The following NUP43 variants were observed in gnomAD, a reference collection of about 807,000 sequenced individuals.
NUP43 encodes nucleoporin 43, also known as nucleoporin Nup43.
NUP43 carries 32 observed loss-of-function variants against 47.3 expected under a neutral mutation model. The observed-to-expected ratio is 0.68, with a 90% CI of 0.51 to 0.91. The LOEUF is 0.91. NUP43 is among the 40% of genes least tolerant of loss of function. The probability of loss-of-function intolerance (pLI) is 0.00; values close to 1 mark genes in which losing one functional copy is unlikely to be tolerated. For missense variants in NUP43, 444 were observed against 453.9 expected (o/e 0.98, Z 0.20); for synonymous variants, 147 against 158.4 (o/e 0.93, Z 0.54).
intron 7 of NUP43, chr6:149,727,495 CA>C: frequency 1.0e-6 from 1 of 984,292 alleles, no homozygotes; most frequent in Non-Finnish European, 1.2e-6. Flanking sequence ...AGAAAGGTAG[CA>C]AAACGGCCAG....
intron 7 of NUP43, among the ~76,000 whole-genome samples, chr6:149,731,190 A>C (rs1441189011): frequency 6.6e-6 from 1 of 152,092 alleles, no homozygotes; most frequent in Non-Finnish European, 1.5e-5. Flanking sequence ...GAAAAGCTTG[A>C]ACCTGAGAGG....
In NUP43 at chr6:149,745,930, A is replaced by G. The variant is rs1266365315; in HGVS notation, c.243+10T>C. The G allele has an allele frequency of 3.1e-6, 5 of 1,603,008 alleles. No individual in the cohort carries two copies. In the East Asian group the frequency reaches 8.9e-5, roughly 29 times the overall value. ...TTCAAAGTTAGCTTTTGGATGCTACACAGATTTACCTGTAAATCCATTACA... is the reference window on the plus strand; with the variant it reads ...TTCAAAGTTAGCTTTTGGATGCTACGCAGATTTACCTGTAAATCCATTACA... On this transcript the variant is annotated intron_variant, in intron 2 of 7. Coordinates refer to ENST00000340413, the MANE Select transcript of NUP43 (RefSeq NM_198887.3).
At chr6:149,731,238 C>G (rs564623561) in intron 7 of NUP43, among the ~76,000 whole-genome samples, 2 of 151,852 alleles carry the variant, frequency 1.3e-5, no homozygotes, top group East Asian at 3.9e-4. Context: ...CCACTACACT[C>G]CATTCTGGGT....
rs770442192 is a variant in NUP43 at position 149,742,416 on chromosome 6, T to A, written c.476A>T (p.Asp159Val). 5.0e-6 allele frequency: 8 copies of A among 1,613,968 alleles called. No homozygotes were observed. Among genetic ancestry groups the A allele is most frequent in the South Asian group, 1.1e-5 (1 of 91,082 alleles). Residue 159 changes from aspartate (D) to valine (V), a missense_variant, in exon 4 of 8, where the codon GAT (aspartate) becomes GTT (valine). By Grantham distance (152) the Asp-to-Val change is radical. Transcript: ENST00000340413. ...EDGRINLFRA[D>V]HKEAVRTIDN... ...TATGGTTCTTACAGCTTCCTTGTGA[T>A]CAGCTCTGAAGAGATTTATTCGACC...
upstream of NUP43, among the ~76,000 whole-genome samples, chr6:149,748,788 G>A (rs186127675): frequency 5.5e-3 from 725 of 130,954 alleles, 6 homozygotes; most frequent in African/African-American, 0.021. Flanking sequence ...CAGTCTGGGC[G>A]ACAGAGCGAG....
At chr6:149,746,544 CCT>C (rs760105764), upstream of NUP43, 96 of 1,613,758 alleles carry the variant, frequency 5.9e-5, no homozygotes, top group South Asian at 1.0e-3. Flanking sequence ...ACAGTACGCG[CCT>C]CTCAGCACCG....
At chr6:149,727,262 A>C in intron 7 of NUP43, 64 bp from the exon 8 acceptor site, 1 of 1,528,608 alleles carries the variant, frequency 6.5e-7, no homozygotes, top group Non-Finnish European at 8.8e-7. Context: ...AAACATTCAA[A>C]CTTCTACTGA....
intron 7 of NUP43, chr6:149,728,546 C>G (rs1414838469): frequency 4.1e-6 from 2 of 491,284 alleles, no homozygotes; most frequent in East Asian, 3.0e-4. Flanking sequence ...CTACATTTTA[C>G]ATTGCTCTTG....
upstream of NUP43, among the ~76,000 whole-genome samples, chr6:149,746,940 C>G (rs1254450350): frequency 6.6e-6 from 1 of 152,216 alleles, no homozygotes; most frequent in Non-Finnish European, 1.5e-5. Context: ...AACCTACTAT[C>G]CCAAACCTCT....
At chr6:149,736,731 C>T (rs1785379960) in intron 5 of NUP43, 109 bp from the exon 6 acceptor site, 1 of 935,120 alleles carries the variant, frequency 1.1e-6, no homozygotes, top group African/African-American at 1.6e-5. Flanking sequence ...CTCACTTACC[C>T]AGGCTGGAAT....
chr6:149,733,246 C>T (rs58186084), intron 6 of NUP43, among the ~76,000 whole-genome samples: 1,913 of 152,252 alleles, frequency 0.013, 51 homozygotes, highest in African/African-American at 0.044. Context: ...GTCTTTATCA[C>T]AGAAATAGCA....
In NUP43 at chr6:149,746,365, A is replaced by C. The variant is rs1786002409; in HGVS notation, c.120+11T>G. 6.2e-7 allele frequency: 1 copy of C among 1,613,136 alleles called. No individual in the cohort carries two copies. Among genetic ancestry groups the C allele is most frequent in the African/African-American group, 1.3e-5 (1 of 75,004 alleles). The stretch of plus-strand genomic sequence containing the variant: ...GAGGAGGTAGGGGCTCGTCCCTATC[A>C]GCGGCGATACCTCATTGTCCCAAGA... On this transcript the variant is annotated intron_variant, in intron 1 of 7. Coordinates refer to ENST00000340413, the MANE Select transcript of NUP43 (RefSeq NM_198887.3).
At chr6:149,736,279 A>T (rs147781665) in intron 6 of NUP43, among the ~76,000 whole-genome samples, 192 bp downstream of exon 6, 204 of 152,250 alleles carry the variant, frequency 1.3e-3, no homozygotes, top group African/African-American at 4.7e-3. Context: ...CTCCGTCTCC[A>T]AAAAAACAAA....
intron 7 of NUP43, chr6:149,727,827 G>A: frequency 1.0e-6 from 1 of 984,628 alleles, no homozygotes; most frequent in East Asian, 1.1e-4. Flanking sequence ...GTGAGGCAGA[G>A]GCAGTATATT....
At chr6:149,743,359 G>A (rs1785771213) in intron 3 of NUP43, among the ~76,000 whole-genome samples, 2 of 152,084 alleles carry the variant, frequency 1.3e-5, no homozygotes, top group South Asian at 4.1e-4. Flanking sequence ...CAGCACTTTG[G>A]GAGGCCGAAG....
intron 4 of NUP43, 48 bp downstream of exon 4, chr6:149,742,342 A>G: frequency 6.4e-7 from 1 of 1,567,832 alleles, no homozygotes; most frequent in Non-Finnish European, 8.8e-7. Flanking sequence ...TTGTATTTTT[A>G]GAAGAGACTA....
chr6:149,746,285 C>T (rs1392775169), intron 1 of NUP43, 91 bp downstream of exon 1: 2 of 1,545,856 alleles, frequency 1.3e-6, no homozygotes, highest in Non-Finnish European at 1.8e-6. Context: ...CGAGAAGAAC[C>T]AGAAGGTGGG....
chr6:149,729,042 G>A (rs886552215), intron 7 of NUP43, among the ~76,000 whole-genome samples: 6 of 151,960 alleles, frequency 3.9e-5, no homozygotes, highest in Admixed American at 3.9e-4. Context: ...CCAGGCTGGA[G>A]TGCAGTGGCG....
In NUP43 at chr6:149,731,654, G is replaced by A. The variant is rs751766292; in HGVS notation, c.872C>T (p.Ala291Val). The change falls in exon 7 of 8, where the codon GCT becomes GTT. Residue 291 changes from alanine to valine, a missense_variant. Transcript: ENST00000340413. ...CGACTTTTCAGGTACATCTGTGGAA[G>A]CATCCCAGTGCCAGAGGGATCCATC... is the stretch of plus-strand genomic sequence containing the variant. ...SEDGSLWHWD[A>V]STDVPEKSSL... The A allele has an allele frequency of 3.1e-6, 5 of 1,613,650 alleles. No homozygotes were observed. Among genetic ancestry groups the A allele is most frequent in the South Asian group, 2.2e-5 (2 of 91,060 alleles).
Sources: allele counts gnomAD v4.1 joint callset (sites outside exome capture counted in the v4.1 genomes callset), GRCh38; gene constraint gnomAD v4.1.1; transcripts MANE v1.5; gene names NCBI Gene and HGNC (gene_info 2026-07-23, HGNC 2026-07-21).